Variants in TTBK2 observed in about 807,000 individuals in gnomAD.
The protein encoded by TTBK2 is tau tubulin kinase 2.
In TTBK2, 28 loss-of-function variants were observed where a neutral mutation model predicts 110.8. The ratio of observed to expected loss-of-function variants is 0.25; its 90% confidence interval spans 0.19 to 0.35. The LOEUF (loss-of-function observed/expected upper bound fraction) is 0.35, where lower values mean the gene tolerates loss of function less well. Ranked by LOEUF, TTBK2 falls within the 10% of genes least tolerant of loss-of-function variation. The pLI is 1.00. For missense variants in TTBK2, 1,369 were observed against 1,500.3 expected (o/e 0.91, Z 1.45); for synonymous variants, 532 against 527.3 (o/e 1.01, Z -0.12).
chr15:42,906,674 T>C (rs1373969115), intron 1 of TTBK2, among the ~76,000 whole-genome samples: 1 of 152,076 alleles, frequency 6.6e-6, no homozygotes, highest in Non-Finnish European at 1.5e-5. Flanking sequence ...CAAAAATAGA[T>C]AATTGGGATT....
At chr15:42,801,065 G>A in intron 9 of TTBK2, 1 of 773,276 alleles carries the variant, frequency 1.3e-6, no homozygotes. Context: ...GGCTGAAGGA[G>A]CTGGAGCCCA....
intron 10 of TTBK2, among the ~76,000 whole-genome samples, chr15:42,789,620 G>A (rs945981403): frequency 6.6e-6 from 1 of 152,064 alleles, no homozygotes; most frequent in African/African-American, 2.4e-5. Context: ...TGTAATCCCA[G>A]CTACTCAGGA....
chr15:42,762,562 C>G (rs1377848633), intron 13 of TTBK2, among the ~76,000 whole-genome samples: 1 of 152,030 alleles, frequency 6.6e-6, no homozygotes, highest in East Asian at 1.9e-4. Flanking sequence ...ACAAAAAATA[C>G]AAAAATTAGC....
At chr15:42,872,514 A>G in intron 3 of TTBK2, 97 bp downstream of exon 3, 3 of 1,406,250 alleles carry the variant, frequency 2.1e-6, no homozygotes, top group South Asian at 2.4e-5. Context: ...AGTACATTCA[A>G]TTAGTACTTA....
In TTBK2 at chr15:42,846,597, C is replaced by T. The variant is rs146854436; in HGVS notation, c.218-6164G>A. ...AATATGAAATATATTTAGTCTCTGT[C>T]CCTGGTACTTGTCACCTGGTTTCTA... On this transcript the variant is annotated intron_variant, in intron 3 of 14. Transcript: ENST00000267890. Among the ~76,000 whole-genome samples the T allele has an allele frequency of 1.5e-3, 225 of 152,312 alleles. 1 individual carries two copies. The highest frequency in any genetic ancestry group is 0.011 in the South Asian group (55 of 4,822).
intron 1 of TTBK2, among the ~76,000 whole-genome samples, chr15:42,899,843 A>G (rs1181390091): frequency 2.6e-5 from 4 of 151,326 alleles, no homozygotes; most frequent in African/African-American, 9.7e-5. Context: ...CGGAGGTTGC[A>G]GTGAGCCAAG....
chr15:42,874,596 C>A (rs546851947), intron 2 of TTBK2, among the ~76,000 whole-genome samples: 11 of 151,572 alleles, frequency 7.3e-5, no homozygotes, highest in African/African-American at 2.7e-4. Flanking sequence ...GGATTCCAGG[C>A]GTGAGCCACC....
chr15:42,807,426 A>T (rs770634143), intron 9 of TTBK2, among the ~76,000 whole-genome samples: 2 of 151,572 alleles, frequency 1.3e-5, no homozygotes, highest in South Asian at 4.2e-4. Context: ...TATTATTATT[A>T]TTTTTGAGAT....
At chr15:42,774,402 C>T (rs1297310777) in intron 13 of TTBK2, among the ~76,000 whole-genome samples, 1 of 152,170 alleles carries the variant, frequency 6.6e-6, no homozygotes, top group Non-Finnish European at 1.5e-5. Flanking sequence ...CCTCCTCACA[C>T]AGTCACCAGG....
chr15:42,891,109 G>A (rs1429261218), intron 1 of TTBK2, among the ~76,000 whole-genome samples: 3 of 151,458 alleles, frequency 2.0e-5, no homozygotes, highest in African/African-American at 7.3e-5. Context: ...CCTGACCTCA[G>A]GTGATCCACC....
At chr15:42,753,706 T>C (rs2061901500) in intron 13 of TTBK2, among the ~76,000 whole-genome samples, 1 of 152,174 alleles carries the variant, frequency 6.6e-6, no homozygotes, top group African/African-American at 2.4e-5. Flanking sequence ...GCTCCCTTCT[T>C]ATGGCCTCTC....
In TTBK2 at chr15:42,745,052, T is replaced by TA. The variant is rs1396846298; in HGVS notation, c.*742dup. 3.4e-4 allele frequency: 53 copies of TA among 154,296 alleles called. No homozygotes were observed. The highest frequency in any genetic ancestry group is 8.8e-5 in the Non-Finnish European group (6 of 68,206). The allele number at this position is 154,296 out of a possible 1,614,324, so 9.6% of individuals were successfully genotyped here. A position where few individuals can be genotyped will look rare whatever the true frequency, so the allele number is the denominator to read the frequency against. ...TAGTTAGACTTTTCTTTCCTTTACC[T>TA]AACTTTCTTATTTTTCATAATAAAA... is the stretch of plus-strand genomic sequence containing the variant. On this transcript the variant is annotated 3_prime_UTR_variant, in exon 15 of 15. Coordinates refer to ENST00000267890, the MANE Select transcript of TTBK2 (RefSeq NM_173500.4).
chr15:42,913,111 G>A (rs1292656558), intron 1 of TTBK2, among the ~76,000 whole-genome samples: 3 of 120,494 alleles, frequency 2.5e-5, no homozygotes, highest in African/African-American at 3.4e-5. Context: ...CGACCTGGGC[G>A]ACAGAGCGAG....
At chr15:42,841,311 C>T (rs138626829) in intron 3 of TTBK2, among the ~76,000 whole-genome samples, 1 of 152,102 alleles carries the variant, frequency 6.6e-6, no homozygotes, top group African/African-American at 2.4e-5. Flanking sequence ...GAGGGCTCAA[C>T]TGATCCTCCC....
At chr15:42,746,297 T>C (rs980800626) in intron 14 of TTBK2, 40 bp from the exon 15 acceptor site, 3 of 1,492,544 alleles carry the variant, frequency 2.0e-6, no homozygotes, top group Admixed American at 1.9e-5. Context: ...TTTTAATTCA[T>C]TTCAAGTGTG....
intron 1 of TTBK2, among the ~76,000 whole-genome samples, chr15:42,901,735 T>C (rs1189532384): frequency 6.6e-6 from 1 of 151,980 alleles, no homozygotes; most frequent in Admixed American, 6.5e-5. Flanking sequence ...AAATCATATA[T>C]CTGATAAGGG....
At chr15:42,794,923 G>T in intron 9 of TTBK2, 122 bp from the exon 10 acceptor site, 1 of 1,334,668 alleles carries the variant, frequency 7.5e-7, no homozygotes, top group Non-Finnish European at 1.0e-6. Flanking sequence ...AAAAACTGAT[G>T]GCTCAAATTG....
intron 10 of TTBK2, among the ~76,000 whole-genome samples, chr15:42,791,071 T>C (rs1458817940): frequency 6.6e-6 from 1 of 152,186 alleles, no homozygotes; most frequent in Non-Finnish European, 1.5e-5. Context: ...GTATTTTTAG[T>C]AGAGACGGGG....
chr15:42,899,587 G>C (rs1461439095), intron 1 of TTBK2, among the ~76,000 whole-genome samples: 2 of 151,864 alleles, frequency 1.3e-5, no homozygotes, highest in Non-Finnish European at 2.9e-5. Flanking sequence ...AAAATACAAA[G>C]AAATTAGCCG....
Sources: allele counts gnomAD v4.1 joint callset (sites outside exome capture counted in the v4.1 genomes callset), GRCh38; gene constraint gnomAD v4.1.1; transcripts MANE v1.5; gene names NCBI Gene and HGNC (gene_info 2026-07-23, HGNC 2026-07-21).